The following SLC13A3 variants were observed in gnomAD, a reference collection of about 807,000 sequenced individuals.
The protein encoded by SLC13A3 is Na(+)/dicarboxylate cotransporter 3.
In SLC13A3, 40 loss-of-function variants were observed where a neutral mutation model predicts 59.0. The observed-to-expected ratio is 0.68, with a 90% confidence interval of 0.53 to 0.88. SLC13A3 has a LOEUF of 0.88. Ranked by LOEUF, SLC13A3 falls within the 40% of genes least tolerant of loss-of-function variation. The pLI is 0.00. For missense variants in SLC13A3, 699 were observed against 783.2 expected (o/e 0.89, Z 1.28); for synonymous variants, 317 against 330.3 (o/e 0.96, Z 0.44).
chr20:46,639,583 AG>A (rs1416715696), intron 1 of SLC13A3, among the ~76,000 whole-genome samples: 3 of 152,216 alleles, frequency 2.0e-5, no homozygotes, highest in African/African-American at 7.2e-5. Flanking sequence ...TCCAATCTTC[AG>A]AAAGCCCTCT....
intron 4 of SLC13A3, among the ~76,000 whole-genome samples, chr20:46,597,058 A>T (rs182033167): frequency 7.2e-5 from 11 of 152,266 alleles, no homozygotes; most frequent in African/African-American, 2.6e-4. Flanking sequence ...GTCTCTAAAA[A>T]AAATTAATAA....
At chr20:46,681,351 G>A (rs978185244) in intron 1 of SLC13A3, among the ~76,000 whole-genome samples, 1 of 152,062 alleles carries the variant, frequency 6.6e-6, no homozygotes, top group South Asian at 2.1e-4. Flanking sequence ...ACACGTTCAA[G>A]GAAAGGAGGG....
rs574746384 is a variant in SLC13A3, at chr20:46,641,725, T to C, written c.111+9586A>G. 2.0e-5 allele frequency among the ~76,000 whole-genome samples: 3 copies of C among 152,248 alleles called. No homozygotes were observed. The East Asian group carries it at 5.8e-4, about 29-fold the overall frequency. On this transcript the variant is annotated intron_variant, in intron 1 of 12. Transcript: ENST00000279027. Reference sequence around the variant, plus strand: ...GACAAGGGCAGGGGAAGTTGTAAAATCAGGTTTTCTAATTTCTGTATTTGA... The same window carrying C: ...GACAAGGGCAGGGGAAGTTGTAAAACCAGGTTTTCTAATTTCTGTATTTGA...
intron 3 of SLC13A3, chr20:46,609,145 A>G: frequency 6.9e-7 from 1 of 1,458,076 alleles, no homozygotes; most frequent in Non-Finnish European, 9.1e-7. Context: ...CTTTTAAAAT[A>G]CAGTTATGTA....
intron 2 of SLC13A3, among the ~76,000 whole-genome samples, chr20:46,612,062 CTCTT>C: frequency 6.8e-6 from 1 of 146,178 alleles, no homozygotes; most frequent in Non-Finnish European, 1.5e-5. Context: ...CTGACATTTT[CTCTT>C]TCTTTTTTTT....
At chr20:46,600,257 G>GAAGGAAAGGAAAGGA (rs151135493) in intron 3 of SLC13A3, among the ~76,000 whole-genome samples, 447 of 125,906 alleles carry the variant, frequency 3.6e-3, no homozygotes, top group African/African-American at 8.2e-3. Flanking sequence ...ATGGAGGAAG[G>GAAGGAAAGGAAAGGA]AAGGAAAGGA....
rs146172910 is a variant in SLC13A3, at chr20:46,592,421, G to A, written c.903C>T (p.Tyr301=). 396 of 1,613,896 alleles carry A rather than the reference G, an allele frequency of 2.5e-4. 1 individual carries two copies. The East Asian group carries it at 6.6e-3, about 27-fold the overall frequency. Reference sequence around the variant, plus strand: ...AGAGGTACCTGAAGCTCAGTCCCCCGTACAGGAAGGAGATCCAGAGCCAGC... The same window carrying A: ...AGAGGTACCTGAAGCTCAGTCCCCCATACAGGAAGGAGATCCAGAGCCAGC... ...LAGWLWISFL[Y]GGLSFRGWRK... Residue 301 remains tyrosine (Y), a synonymous_variant, in exon 6 of 13, where the codon TAC becomes TAT. Transcript: ENST00000279027.
upstream of SLC13A3, among the ~76,000 whole-genome samples, chr20:46,653,462 A>G (rs2062965859): frequency 1.3e-5 from 2 of 152,284 alleles, no homozygotes; most frequent in African/African-American, 4.8e-5. Flanking sequence ...ACTCATCACT[A>G]GAGACAGAAA....
chr20:46,587,201 T>C (rs1339014877), intron 8 of SLC13A3, among the ~76,000 whole-genome samples: 1 of 152,206 alleles, frequency 6.6e-6, no homozygotes, highest in East Asian at 1.9e-4. Context: ...TTGAGTTCTT[T>C]TTATGAGCCA....
At chr20:46,638,702 G>A (rs555271905) in intron 1 of SLC13A3, among the ~76,000 whole-genome samples, 2 of 152,332 alleles carry the variant, frequency 1.3e-5, no homozygotes, top group East Asian at 1.9e-4. Context: ...TCAGCAAAAT[G>A]GGACTCTGGA....
At chr20:46,651,290 C>T in intron 1 of SLC13A3, 21 bp downstream of exon 1, 1 of 1,469,564 alleles carries the variant, frequency 6.8e-7, no homozygotes, top group Non-Finnish European at 9.0e-7. Context: ...ACCGGGGGCG[C>T]ACAGGCGGAG....
At chr20:46,574,902 A>C (rs1212995882) in intron 10 of SLC13A3, among the ~76,000 whole-genome samples, 44 of 147,970 alleles carry the variant, frequency 3.0e-4, no homozygotes, top group Non-Finnish European at 1.5e-4. Context: ...CAGTATTATG[A>C]TCATGACTCC....
intron 3 of SLC13A3, among the ~76,000 whole-genome samples, chr20:46,608,181 G>A (rs1049418703): frequency 6.6e-6 from 1 of 152,206 alleles, no homozygotes; most frequent in Admixed American, 6.5e-5. Context: ...CCCACCGCCT[G>A]TTTTTGTGTG....
chr20:46,637,910 TGAGGCA>T (rs1456461128), intron 1 of SLC13A3, among the ~76,000 whole-genome samples: 1 of 152,046 alleles, frequency 6.6e-6, no homozygotes, highest in African/African-American at 2.4e-5. Flanking sequence ...CCACCCCAGG[TGAGGCA>T]GGCTCCTTCT....
intron 1 of SLC13A3, among the ~76,000 whole-genome samples, chr20:46,616,437 A>G (rs933274099): frequency 6.6e-6 from 1 of 152,218 alleles, no homozygotes; most frequent in Non-Finnish European, 1.5e-5. Flanking sequence ...TCATCAGATC[A>G]TCACCAAGCC....
intron 10 of SLC13A3, among the ~76,000 whole-genome samples, chr20:46,568,401 CAAAAAAAA>C (rs66526539): frequency 0.068 from 3,984 of 58,786 alleles, 194 homozygotes; most frequent in African/African-American, 0.19. Flanking sequence ...GACTCCATCT[CAAAAAAAA>C]AAAAAAAAAA....
chr20:46,566,531 T>TTGGACAC, intron 10 of SLC13A3, 141 bp from the exon 11 acceptor site: 1 of 898,564 alleles, frequency 1.1e-6, no homozygotes, highest in Non-Finnish European at 1.6e-6. Flanking sequence ...GGAGGTGACG[T>TTGGACAC]GTCCAATGTC....
At chr20:46,650,526 T>C (rs913291238) in intron 1 of SLC13A3, among the ~76,000 whole-genome samples, 1 of 152,226 alleles carries the variant, frequency 6.6e-6, no homozygotes, top group Non-Finnish European at 1.5e-5. Context: ...CAGTCACTGC[T>C]TATTGGGCAT....
intron 3 of SLC13A3, among the ~76,000 whole-genome samples, chr20:46,601,168 G>A (rs1419122524): frequency 6.6e-6 from 1 of 152,176 alleles, no homozygotes; most frequent in Non-Finnish European, 1.5e-5. Flanking sequence ...ACTAAATCAG[G>A]GAAGGGGACC....
Sources: allele counts gnomAD v4.1 joint callset (sites outside exome capture counted in the v4.1 genomes callset), GRCh38; gene constraint gnomAD v4.1.1; transcripts MANE v1.5; gene names NCBI Gene and HGNC (gene_info 2026-07-23, HGNC 2026-07-21).